Variants in CSMD1 observed in about 807,000 individuals in gnomAD.
CSMD1 encodes CUB and Sushi multiple domains 1, also known as CUB and sushi domain-containing protein 1.
A neutral mutation model predicts 417.5 loss-of-function variants in CSMD1; 213 were observed. That is an observed-to-expected ratio of 0.51 (90% CI 0.46 to 0.57). The LOEUF is 0.57. CSMD1 is among the 20% of genes least tolerant of loss of function. The probability of loss-of-function intolerance (pLI) is 0.00; values close to 1 mark genes in which losing one functional copy is unlikely to be tolerated. For missense variants in CSMD1, 6,923 were observed against 4,529.7 expected, an observed-to-expected ratio of 1.53 and a Z score of -15.17; for synonymous variants, 2,862 against 1,736.8, an observed-to-expected ratio of 1.65 and a Z score of -16.11.
At chr8:3,975,998 A>G (rs911483244) in intron 5 of CSMD1, among the ~76,000 whole-genome samples, 2 of 152,180 alleles carry the variant, frequency 1.3e-5, no homozygotes, top group African/African-American at 4.8e-5. Flanking sequence ...TTTAACATTT[A>G]AAATATTATG....
intron 12 of CSMD1, among the ~76,000 whole-genome samples, chr8:3,451,641 T>C (rs191875581): frequency 1.3e-5 from 2 of 152,216 alleles, no homozygotes; most frequent in South Asian, 4.1e-4. Context: ...TATGGCATTA[T>C]TTCTGAGGGC....
At chr8:3,198,148 C>T (rs1208974798) in intron 33 of CSMD1, among the ~76,000 whole-genome samples, 1 of 152,100 alleles carries the variant, frequency 6.6e-6, no homozygotes, top group Non-Finnish European at 1.5e-5. Context: ...AAAATACATG[C>T]CTACCAAGGA....
chr8:4,356,053 C>A (rs1044616801), intron 3 of CSMD1, among the ~76,000 whole-genome samples: 8 of 152,170 alleles, frequency 5.3e-5, no homozygotes, highest in African/African-American at 1.9e-4. Flanking sequence ...GTGCACTCAT[C>A]ACCTGAGCAG....
rs1368325139 is a variant in CSMD1 at position 4,984,481 on chromosome 8, G to A, written c.85+9851C>T. ...TCAGTGTTTATAGGACCATTTACCTGCTTGACGTTTCAACTGGCCCTCACT... is the reference window on the plus strand; with the variant it reads ...TCAGTGTTTATAGGACCATTTACCTACTTGACGTTTCAACTGGCCCTCACT... On this transcript the variant is annotated intron_variant, in intron 1 of 69. Coordinates refer to ENST00000635120, the MANE Select transcript of CSMD1 (RefSeq NM_033225.6). Among the ~76,000 whole-genome samples, 14 of 152,166 alleles carry A rather than the reference G, an allele frequency of 9.2e-5. No homozygotes were observed. In the South Asian group the frequency reaches 2.7e-3, roughly 29 times the overall value.
At chr8:4,215,703 T>G (rs2407312) in intron 3 of CSMD1, among the ~76,000 whole-genome samples, 62,476 of 152,016 alleles carry the variant, frequency 0.41, 13,405 homozygotes, top group South Asian at 0.58. Context: ...TGCAGATTCT[T>G]TAAAACTCAA....
chr8:3,163,395 G>T (rs1236792334), intron 37 of CSMD1, among the ~76,000 whole-genome samples: 1 of 151,174 alleles, frequency 6.6e-6, no homozygotes, highest in Non-Finnish European at 1.5e-5. Flanking sequence ...AGGTGAGTAG[G>T]ACTTTAGTTA....
chr8:4,659,831 C>T (rs909833003), intron 1 of CSMD1, among the ~76,000 whole-genome samples: 15 of 151,768 alleles, frequency 9.9e-5, no homozygotes, highest in African/African-American at 1.5e-4. Context: ...ATCTATGTAA[C>T]CATCCATATT....
chr8:2,942,683 G>T, intron 68 of CSMD1, 79 bp from the exon 69 acceptor site: 1 of 1,125,314 alleles, frequency 8.9e-7, no homozygotes, highest in Non-Finnish European at 1.2e-6. Flanking sequence ...TTTGTAAATG[G>T]ATACGAACTC....
chr8:4,170,949 G>A (rs562986615), intron 3 of CSMD1, among the ~76,000 whole-genome samples: 1 of 151,908 alleles, frequency 6.6e-6, no homozygotes, highest in South Asian at 2.1e-4. Context: ...TTACGCAAAT[G>A]TCATTATCCC....
intron 26 of CSMD1, among the ~76,000 whole-genome samples, chr8:3,279,571 G>C (rs1201497310): frequency 6.6e-6 from 1 of 152,080 alleles, no homozygotes; most frequent in Non-Finnish European, 1.5e-5. Context: ...GGTTGGGTTT[G>C]GAAATTCTAG....
At chr8:3,872,228 C>T (rs1030457163) in intron 5 of CSMD1, among the ~76,000 whole-genome samples, 8 of 152,010 alleles carry the variant, frequency 5.3e-5, no homozygotes, top group African/African-American at 1.9e-4. Context: ...TGGTTGTTGT[C>T]GTTGTTGTTG....
At chr8:3,467,452 T>A (rs1354971346) in intron 12 of CSMD1, among the ~76,000 whole-genome samples, 3 of 152,194 alleles carry the variant, frequency 2.0e-5, no homozygotes, top group Admixed American at 6.5e-5. Flanking sequence ...CAATTGAAGG[T>A]CAGGTCTAAA....
At chr8:3,111,612 ACC>A (rs1563055445) in intron 42 of CSMD1, among the ~76,000 whole-genome samples, 1 of 152,108 alleles carries the variant, frequency 6.6e-6, no homozygotes, top group Non-Finnish European at 1.5e-5. Context: ...TGGGTGGATC[ACC>A]TGAGGTCAGG....
At chr8:4,248,835 T>C (rs981968886) in intron 3 of CSMD1, among the ~76,000 whole-genome samples, 3 of 152,156 alleles carry the variant, frequency 2.0e-5, no homozygotes, top group African/African-American at 7.2e-5. Context: ...TGTATCCCAA[T>C]AGCCAAAAAC....
chr8:4,609,647 G>A (rs1246469713), intron 2 of CSMD1, among the ~76,000 whole-genome samples: 4 of 152,224 alleles, frequency 2.6e-5, no homozygotes, highest in Admixed American at 6.5e-5. Context: ...ATTCTTAATA[G>A]GCCAGTGACT....
chr8:4,066,707 T>C (rs990941719), intron 3 of CSMD1, among the ~76,000 whole-genome samples: 6 of 152,126 alleles, frequency 3.9e-5, no homozygotes, highest in Non-Finnish European at 7.3e-5. Context: ...TAGATGATAG[T>C]ATATTTTGTT....
At chr8:3,786,222 A>G (rs17067525) in intron 5 of CSMD1, among the ~76,000 whole-genome samples, 4,416 of 152,222 alleles carry the variant, frequency 0.029, 133 homozygotes, top group African/African-American at 0.08. Flanking sequence ...GTTGGGATCA[A>G]GGTGTCGCTA....
intron 10 of CSMD1, among the ~76,000 whole-genome samples, chr8:3,572,430 G>A (rs767885369): frequency 2.6e-5 from 4 of 152,112 alleles, no homozygotes; most frequent in Non-Finnish European, 4.4e-5. Context: ...GGAGCTTCCT[G>A]GAGAGCCCCT....
chr8:4,217,366 A>G (rs1039595064), intron 3 of CSMD1, among the ~76,000 whole-genome samples: 1 of 152,204 alleles, frequency 6.6e-6, no homozygotes, highest in Non-Finnish European at 1.5e-5. Context: ...ATTTTCTCTA[A>G]TATTAGGGAA....
Sources: allele counts gnomAD v4.1 joint callset (sites outside exome capture counted in the v4.1 genomes callset), GRCh38; gene constraint gnomAD v4.1.1; transcripts MANE v1.5; gene names NCBI Gene and HGNC (gene_info 2026-07-23, HGNC 2026-07-21).